Variants in HEPACAM2 observed in about 807,000 individuals in gnomAD.
HEPACAM2 encodes the protein mitotic kinetics regulator.
Under a neutral mutation model 49.6 loss-of-function variants are expected in HEPACAM2, and 49 were observed. That is an observed-to-expected ratio of 0.99 (90% CI 0.78 to 1.25). The LOEUF is 1.25. Among genes scored for constraint, HEPACAM2 ranks in the 50% most tolerant of loss-of-function variants. The pLI, the probability that HEPACAM2 is intolerant of heterozygous loss-of-function variation, is 0.00. For missense variants in HEPACAM2, 525 were observed against 557.2 expected (o/e 0.94, Z 0.58); for synonymous variants, 197 against 202.9 (o/e 0.97, Z 0.25).
chr7:93,196,515 A>G (rs187030064), intron 7 of HEPACAM2, among the ~76,000 whole-genome samples: 2 of 152,250 alleles, frequency 1.3e-5, no homozygotes, highest in East Asian at 3.9e-4. Flanking sequence ...AAAGAGGAAG[A>G]AGGCCCACAT....
intron 4 of HEPACAM2, among the ~76,000 whole-genome samples, chr7:93,200,144 T>C (rs879474928): frequency 2.6e-5 from 4 of 152,112 alleles, no homozygotes; most frequent in Non-Finnish European, 5.9e-5. Flanking sequence ...GTTTTCTCTA[T>C]TCCTACTGAG....
At chr7:93,190,611 G>A (rs933340365) in intron 9 of HEPACAM2, among the ~76,000 whole-genome samples, 3 of 151,930 alleles carry the variant, frequency 2.0e-5, no homozygotes, top group African/African-American at 7.2e-5. Flanking sequence ...TCCCAATAGC[G>A]GTTTTGAATA....
intron 8 of HEPACAM2, among the ~76,000 whole-genome samples, chr7:93,194,962 A>G (rs1793651702): frequency 1.4e-5 from 2 of 138,118 alleles, no homozygotes; most frequent in Non-Finnish European, 3.0e-5. Context: ...GACTTCAACT[A>G]TATGAAAGCT....
chr7:93,194,531 A>G (rs1178735086), intron 8 of HEPACAM2, among the ~76,000 whole-genome samples: 1 of 152,112 alleles, frequency 6.6e-6, no homozygotes, highest in African/African-American at 2.4e-5. Context: ...TTTGCACAGT[A>G]GTTCTTTGCT....
intron 1 of HEPACAM2, among the ~76,000 whole-genome samples, chr7:93,221,858 G>T (rs978399645): frequency 6.6e-6 from 1 of 151,982 alleles, no homozygotes; most frequent in Non-Finnish European, 1.5e-5. Flanking sequence ...TTGGTGATTG[G>T]TCCATAACAA....
chr7:93,209,597 C>A (rs1794126178), intron 3 of HEPACAM2, among the ~76,000 whole-genome samples: 1 of 151,768 alleles, frequency 6.6e-6, no homozygotes, highest in Non-Finnish European at 1.5e-5. Flanking sequence ...GGCTACCCCC[C>A]ACCACCCCAC....
upstream of HEPACAM2, among the ~76,000 whole-genome samples, chr7:93,227,303 T>G (rs1240453549): frequency 6.6e-6 from 1 of 152,204 alleles, no homozygotes; most frequent in Non-Finnish European, 1.5e-5. Context: ...ACTAAGTTAT[T>G]AGTTAACCCC....
rs576907037 is a variant in HEPACAM2 at position 93,223,828 on chromosome 7, T to C, written c.79+2540A>G. 4.9e-4 allele frequency among the ~76,000 whole-genome samples: 75 copies of C among 152,254 alleles called. 1 individual carries two copies. Among genetic ancestry groups the C allele is most frequent in the Non-Finnish European group, 1.9e-4 (13 of 67,996 alleles). ...ATCTCAGCCACGTAAAATCTCTTCA[T>C]TGGACATGAACCTATCAATATGATA... On this transcript the variant is annotated intron_variant, in intron 1 of 9. Transcript: ENST00000394468.
chr7:93,207,993 A>T (rs1227745163), intron 4 of HEPACAM2, among the ~76,000 whole-genome samples: 1 of 152,056 alleles, frequency 6.6e-6, no homozygotes, highest in Non-Finnish European at 1.5e-5. Flanking sequence ...CGTAATTCTT[A>T]ATCTTTGCGG....
chr7:93,220,458 G>C (rs1317384008), intron 1 of HEPACAM2, among the ~76,000 whole-genome samples: 2 of 152,200 alleles, frequency 1.3e-5, no homozygotes, highest in Non-Finnish European at 2.9e-5. Context: ...TCTTGACTCG[G>C]ACCAACTGGA....
intron 2 of HEPACAM2, among the ~76,000 whole-genome samples, chr7:93,217,488 A>G (rs1053059646): frequency 6.6e-6 from 1 of 152,180 alleles, no homozygotes; most frequent in Non-Finnish European, 1.5e-5. Context: ...ACAGGACACC[A>G]TATAGGAAAT....
In HEPACAM2 at chr7:93,215,532, T is replaced by C; in HGVS notation, c.584A>G (p.Tyr195Cys). The change falls in exon 3 of 10, where the codon TAC (tyrosine) becomes TGC (cysteine). Residue 195 changes from tyrosine (Y) to cysteine (C), a missense_variant. Coordinates refer to ENST00000394468, the MANE Select transcript of HEPACAM2 (RefSeq NM_001039372.4). ...NGRPVHTSST[Y>C]SFSPQNNTLH... Reference sequence around the variant, plus strand: ...GGTATTGTTTTGGGGAGAAAAGGAGTAGGTGGAGCTGGTGTGGACAGGTCT... The same window carrying C: ...GGTATTGTTTTGGGGAGAAAAGGAGCAGGTGGAGCTGGTGTGGACAGGTCT... 6.2e-7 allele frequency: 1 copy of C among 1,613,586 alleles called. No homozygotes were observed. Among genetic ancestry groups the C allele is most frequent in the Non-Finnish European group, 8.5e-7 (1 of 1,179,786 alleles).
At chr7:93,220,683 G>A (rs1794431593) in intron 1 of HEPACAM2, among the ~76,000 whole-genome samples, 1 of 152,232 alleles carries the variant, frequency 6.6e-6, no homozygotes, top group South Asian at 2.1e-4. Context: ...CCAGTGGATA[G>A]CCCTGGGCAG....
At chr7:93,192,564 G>T (rs1793582123) in intron 8 of HEPACAM2, among the ~76,000 whole-genome samples, 1 of 151,902 alleles carries the variant, frequency 6.6e-6, no homozygotes, top group African/African-American at 2.4e-5. Context: ...ATAGCTATAA[G>T]GTCAGAAGAA....
intron 3 of HEPACAM2, among the ~76,000 whole-genome samples, chr7:93,209,511 G>A (rs1237651808): frequency 6.6e-6 from 1 of 151,758 alleles, no homozygotes; most frequent in Non-Finnish European, 1.5e-5. Flanking sequence ...TCACCCTCTA[G>A]TGCTATAGAA....
At chr7:93,195,129 G>A (rs1020818021) in intron 8 of HEPACAM2, among the ~76,000 whole-genome samples, 3 of 151,988 alleles carry the variant, frequency 2.0e-5, no homozygotes, top group African/African-American at 4.8e-5. Context: ...GGCAATAAAG[G>A]GAAAACTGAG....
At chr7:93,193,194 C>T (rs1793600995) in intron 8 of HEPACAM2, among the ~76,000 whole-genome samples, 1 of 152,086 alleles carries the variant, frequency 6.6e-6, no homozygotes, top group Admixed American at 6.6e-5. Context: ...AGTTCACTAT[C>T]TCATGTTAAT....
chr7:93,200,441 A>G (rs938499473), intron 4 of HEPACAM2, among the ~76,000 whole-genome samples: 1 of 152,156 alleles, frequency 6.6e-6, no homozygotes, highest in African/African-American at 2.4e-5. Context: ...TCTCTACAAC[A>G]TATTTCTGGT....
chr7:93,201,958 G>A (rs1320690242), intron 4 of HEPACAM2, among the ~76,000 whole-genome samples: 15 of 149,218 alleles, frequency 1.0e-4, no homozygotes, highest in African/African-American at 3.0e-4. Flanking sequence ...ACTTCACTGC[G>A]GTTGTCAATA....
Sources: gnomAD v4.1 joint callset for allele counts (sites outside exome capture counted in the v4.1 genomes callset) on GRCh38, gnomAD v4.1.1 for gene constraint, MANE v1.5 for transcripts, NCBI Gene and HGNC (gene_info 2026-07-23, HGNC 2026-07-21) for gene names.